The following PCNX2 variants were observed in gnomAD, a reference collection of about 807,000 sequenced individuals.
PCNX2 encodes the protein pecanex-like protein 2.
PCNX2 carries 168 observed loss-of-function variants against 223.8 expected under a neutral mutation model. That is an observed-to-expected ratio of 0.75 (90% CI 0.66 to 0.85). PCNX2 has a LOEUF of 0.85. PCNX2 is among the 40% of genes least tolerant of loss of function. The probability of loss-of-function intolerance (pLI) is 0.00; values close to 1 mark genes in which losing one functional copy is unlikely to be tolerated. For synonymous variants in PCNX2, 1,006 were observed against 1,052.6 expected (o/e 0.96, Z 0.86); for missense variants, 2,507 against 2,675.5 (o/e 0.94, Z 1.39).
At chr1:233,320,122 T>C in the PCNX2 span, among the ~76,000 whole-genome samples, 1 of 152,198 alleles carries the variant, frequency 6.6e-6, no homozygotes, top group Non-Finnish European at 1.5e-5. Flanking sequence ...CAAAGCATTT[T>C]TTTAACTTTT....
At chr1:233,156,466 T>G (rs2102812933) in intron 19 of PCNX2, among the ~76,000 whole-genome samples, 1 of 152,284 alleles carries the variant, frequency 6.6e-6, no homozygotes, top group South Asian at 2.1e-4. Flanking sequence ...AGCACTGCCG[T>G]GAGCACTGGA....
At chr1:233,212,597 G>A (rs1011271168) in intron 12 of PCNX2, among the ~76,000 whole-genome samples, 10 of 152,250 alleles carry the variant, frequency 6.6e-5, no homozygotes, top group East Asian at 3.9e-4. Flanking sequence ...ATCAAGTGCC[G>A]TCCAGGGCAC....
intron 2 of PCNX2, 72 bp from the exon 3 acceptor site, chr1:233,262,237 G>A (rs950780895): frequency 6.4e-7 from 1 of 1,561,062 alleles, no homozygotes; most frequent in Non-Finnish European, 8.7e-7. Context: ...TTTAGTACTA[G>A]TCTAAAAACT....
intron 1 of PCNX2, among the ~76,000 whole-genome samples, chr1:233,277,783 G>A (rs1347329858): frequency 1.3e-5 from 2 of 152,046 alleles, no homozygotes; most frequent in East Asian, 1.9e-4. Context: ...TGCAACAGGC[G>A]AAGTCAACAC....
chr1:233,211,925 C>T (rs1006419482), intron 12 of PCNX2: 2 of 503,706 alleles, frequency 4.0e-6, no homozygotes, highest in Non-Finnish European at 5.1e-6. Context: ...CGGAAGGTGT[C>T]GAAAACCCAG....
intron 23 of PCNX2, among the ~76,000 whole-genome samples, chr1:233,082,243 C>T (rs543255688): frequency 6.6e-6 from 1 of 152,166 alleles, no homozygotes; most frequent in East Asian, 1.9e-4. Flanking sequence ...AGAAGATGAG[C>T]AGATGTTCAA....
At chr1:233,321,860 C>T in the PCNX2 span, among the ~76,000 whole-genome samples, 1 of 152,144 alleles carries the variant, frequency 6.6e-6, no homozygotes, top group Non-Finnish European at 1.5e-5. Context: ...TTTGCATCAT[C>T]AGTGCAAATG....
intron 28 of PCNX2, among the ~76,000 whole-genome samples, chr1:233,013,158 T>C (rs1670526056): frequency 1.3e-5 from 2 of 152,334 alleles, no homozygotes; most frequent in African/African-American, 2.4e-5. Context: ...CCCCAGGAGA[T>C]TGGCCTAAAA....
chr1:233,239,579 G>A (rs1658632055), intron 8 of PCNX2, among the ~76,000 whole-genome samples: 2 of 152,114 alleles, frequency 1.3e-5, no homozygotes, highest in Admixed American at 1.3e-4. Flanking sequence ...GTGACTATAA[G>A]CATGTTGTCT....
At chr1:233,261,153 T>C (rs1314288964) in intron 4 of PCNX2, 132 bp downstream of exon 4, 4 of 798,402 alleles carry the variant, frequency 5.0e-6, no homozygotes, top group Non-Finnish European at 8.0e-6. Context: ...AGAAACAAAG[T>C]CAAAATATAA....
chr1:233,143,827 C>T lies in PCNX2; in HGVS notation c.3518-3972G>A, dbSNP rs555958609. On this transcript the variant is annotated intron_variant, in intron 19 of 33. Coordinates refer to ENST00000258229, the MANE Select transcript of PCNX2 (RefSeq NM_014801.4). Reference sequence around the variant, plus strand: ...GTTTCCTAAACCAGCCAGATGTGTACACTGTATTCTAATCCTTCTTATCTG... The same window carrying T: ...GTTTCCTAAACCAGCCAGATGTGTATACTGTATTCTAATCCTTCTTATCTG... Among the ~76,000 whole-genome samples, 3 of 152,140 alleles carry T rather than the reference C, an allele frequency of 2.0e-5. No individual in the cohort carries two copies. In the South Asian group the frequency reaches 6.2e-4, roughly 32 times the overall value.
chr1:233,070,354 T>C, intron 23 of PCNX2, among the ~76,000 whole-genome samples: 1 of 152,126 alleles, frequency 6.6e-6, no homozygotes, highest in Non-Finnish European at 1.5e-5. Flanking sequence ...ACTTTCCTAT[T>C]TATTTCATGA....
intron 19 of PCNX2, among the ~76,000 whole-genome samples, chr1:233,155,519 A>T (rs1386033701): frequency 6.6e-6 from 1 of 152,240 alleles, no homozygotes; most frequent in African/African-American, 2.4e-5. Context: ...ACAAGTAAAT[A>T]AATGAATCTC....
rs1427049498 is a variant in PCNX2, at chr1:233,000,354, T to A, written c.5279A>T (p.Tyr1760Phe). The A allele has an allele frequency of 1.9e-6, 3 of 1,613,752 alleles. No individual in the cohort carries two copies. Among genetic ancestry groups the A allele is most frequent in the Non-Finnish European group, 2.5e-6 (3 of 1,179,820 alleles). ...RHVVDEGADE[Y>F]KVIMLHRSFL... ...GCTTCTGTGGAGCATGATGACCTTG[T>A]ACTCGTCGGCACCCTCGTCCACCAC... Residue 1760 changes from tyrosine to phenylalanine, a missense_variant, in exon 30 of 34, where the codon TAC (tyrosine) becomes TTC (phenylalanine). Tyr to Phe is a conservative substitution (Grantham distance 22). Coordinates refer to ENST00000258229, the MANE Select transcript of PCNX2 (RefSeq NM_014801.4). The surrounding 1 kb of genome is among the most constrained non-coding windows in gnomAD (Gnocchi z 4.6).
chr1:233,314,023 T>G, the PCNX2 span, among the ~76,000 whole-genome samples: 1 of 152,226 alleles, frequency 6.6e-6, no homozygotes, highest in Non-Finnish European at 1.5e-5. Flanking sequence ...CCTACTTGTA[T>G]GCAGGCACTT....
chr1:233,089,956 C>T, intron 23 of PCNX2, 105 bp downstream of exon 23: 1 of 1,549,712 alleles, frequency 6.5e-7, no homozygotes, highest in Non-Finnish European at 8.7e-7. Context: ...GGCCCCACAG[C>T]AGGGGGAAGC....
At chr1:233,165,075 T>C (rs2102830072) in intron 17 of PCNX2, among the ~76,000 whole-genome samples, 1 of 152,302 alleles carries the variant, frequency 6.6e-6, no homozygotes, top group African/African-American at 2.4e-5. Flanking sequence ...ATATTTTAAA[T>C]ACCATAATTT....
At chr1:232,999,405 G>T in intron 30 of PCNX2, 26 bp from the exon 31 acceptor site, 3 of 1,562,850 alleles carry the variant, frequency 1.9e-6, no homozygotes, top group South Asian at 2.3e-5. Context: ...GGAACGGGAA[G>T]AAAGGCAGAA....
At chr1:233,130,696 G>T (rs968042185) in intron 21 of PCNX2, among the ~76,000 whole-genome samples, 1 of 151,706 alleles carries the variant, frequency 6.6e-6, no homozygotes, top group Admixed American at 6.6e-5. Flanking sequence ...TGTTAGCCAG[G>T]ATGGTCTCAA....
Sources: gnomAD v4.1 joint callset for allele counts (sites outside exome capture counted in the v4.1 genomes callset) on GRCh38, gnomAD v4.1.1 for gene constraint, Gnocchi (gnomAD v3.1) non-coding constraint, MANE v1.5 for transcripts, NCBI Gene and HGNC (gene_info 2026-07-23, HGNC 2026-07-21) for gene names.